CAST: variants seen among roughly 807,000 people sequenced by gnomAD.
CAST encodes MIR583 host.
A neutral mutation model predicts 119.6 loss-of-function variants in CAST; 76 were observed. The observed-to-expected ratio is 0.64, with a 90% CI of 0.53 to 0.77. The LOEUF (loss-of-function observed/expected upper bound fraction) is 0.77. Among genes scored for constraint, CAST ranks in the 30% least tolerant of loss-of-function variants. The pLI is 0.00. For synonymous variants in CAST, 319 were observed against 331.6 expected (o/e 0.96, Z 0.41); for missense variants, 953 against 946.5 (o/e 1.01, Z -0.09).
At chr5:96,497,015 C>G in the CAST span, among the ~76,000 whole-genome samples, 7 of 114,110 alleles carry the variant, frequency 6.1e-5, no homozygotes, top group Admixed American at 5.2e-4. Flanking sequence ...CCCCCCTCCC[C>G]CCACCCCACA....
the CAST span, among the ~76,000 whole-genome samples, chr5:96,308,244 C>T: frequency 2.6e-5 from 4 of 151,730 alleles, no homozygotes; most frequent in South Asian, 2.1e-4. Context: ...TTGGTCAATT[C>T]GGCTATTGAT....
chr5:96,045,339 G>GTGAA, the CAST span, among the ~76,000 whole-genome samples: 2 of 149,804 alleles, frequency 1.3e-5, no homozygotes, highest in Admixed American at 1.3e-4. Context: ...GGTGACAAGA[G>GTGAA]TGAAACTCTG....
the CAST span, among the ~76,000 whole-genome samples, chr5:96,444,696 A>T: frequency 6.6e-6 from 1 of 151,798 alleles, no homozygotes; most frequent in African/African-American, 2.4e-5. Flanking sequence ...ATATCTTCTC[A>T]TGTCTGAGAA....
In CAST at chr5:96,774,590, G is replaced by A; in HGVS notation, c.*1974G>A. ...GCTTTTCCAAAAGCAAACAAAGATAGGTTCCTCAGGTGACCAAAACTGAAA... is the reference window on the plus strand; with the variant it reads ...GCTTTTCCAAAAGCAAACAAAGATAAGTTCCTCAGGTGACCAAAACTGAAA... On this transcript the variant is annotated 3_prime_UTR_variant, in exon 32 of 32. Transcript: ENST00000675179. 5 of 985,468 alleles carry A rather than the reference G, an allele frequency of 5.1e-6. No homozygotes were observed. The South Asian group carries it at 1.4e-4, about 28-fold the overall frequency. 61.0% of individuals were successfully genotyped at this position (985,468 alleles called of 1,614,324 possible).
At chr5:96,536,913 C>T (rs1745826544) in intron 1 of CAST, among the ~76,000 whole-genome samples, 2 of 152,150 alleles carry the variant, frequency 1.3e-5, no homozygotes, top group South Asian at 4.1e-4. Flanking sequence ...ATGGGAACTT[C>T]TGATCTCATT....
At chr5:96,219,799 A>C in the CAST span, among the ~76,000 whole-genome samples, 1 of 151,884 alleles carries the variant, frequency 6.6e-6, no homozygotes, top group Middle Eastern at 3.2e-3. Flanking sequence ...GAAGGAGAGA[A>C]AGAAAAGAAA....
chr5:96,294,750 A>C, the CAST span, among the ~76,000 whole-genome samples: 1 of 152,356 alleles, frequency 6.6e-6, no homozygotes, highest in South Asian at 2.1e-4. Flanking sequence ...TCTAGCCGCC[A>C]GGCTTTGGAA....
At chr5:96,446,338 G>C in the CAST span, among the ~76,000 whole-genome samples, 5 of 152,078 alleles carry the variant, frequency 3.3e-5, no homozygotes, top group Non-Finnish European at 7.3e-5. Flanking sequence ...ATTGCAAACC[G>C]CTCTACCATT....
the CAST span, among the ~76,000 whole-genome samples, chr5:96,434,608 T>TG: frequency 1.1e-5 from 1 of 88,956 alleles, no homozygotes; most frequent in Non-Finnish European, 2.4e-5. Context: ...GGGAAGTTTG[T>TG]TTTTTTTTTT....
intron 1 of CAST, among the ~76,000 whole-genome samples, chr5:96,674,722 G>A (rs1750492878): frequency 6.6e-6 from 1 of 152,176 alleles, no homozygotes; most frequent in African/African-American, 2.4e-5. Context: ...ACAGTTATGA[G>A]GAATAAGATC....
chr5:96,068,034 G>T, the CAST span, among the ~76,000 whole-genome samples: 1,989 of 152,276 alleles, frequency 0.013, 53 homozygotes, highest in African/African-American at 0.044. Context: ...GCATCTCTGG[G>T]AATAAAGGTG....
intron 1 of CAST, among the ~76,000 whole-genome samples, chr5:96,603,759 CTTTTTTTTTTTT>C (rs70981832): frequency 1.3e-5 from 1 of 79,498 alleles, no homozygotes; most frequent in Admixed American, 1.8e-4. Flanking sequence ...GTGCTGTACT[CTTTTTTTTTTTT>C]TTTTTTTTTT....
chr5:96,158,634 T>C, the CAST span, among the ~76,000 whole-genome samples: 3 of 152,254 alleles, frequency 2.0e-5, no homozygotes, highest in Non-Finnish European at 4.4e-5. Context: ...GGATATTGTA[T>C]GATAACATTG....
chr5:96,222,520 T>C, the CAST span, among the ~76,000 whole-genome samples: 1 of 151,976 alleles, frequency 6.6e-6, no homozygotes, highest in Admixed American at 6.6e-5. Context: ...ATGCTCAACA[T>C]CCCTAAGCAT....
At chr5:96,355,958 C>A in the CAST span, among the ~76,000 whole-genome samples, 1 of 152,114 alleles carries the variant, frequency 6.6e-6, no homozygotes, top group Admixed American at 6.6e-5. Context: ...GCTTGGCCTG[C>A]CAAAGTGCTG....
chr5:96,237,362 G>C, the CAST span, among the ~76,000 whole-genome samples: 1 of 152,130 alleles, frequency 6.6e-6, no homozygotes, highest in Non-Finnish European at 1.5e-5. Flanking sequence ...TCAAATGTGA[G>C]TTTAGCCTTT....
intron 1 of CAST, among the ~76,000 whole-genome samples, chr5:96,569,064 C>T (rs1746527282): frequency 6.6e-6 from 1 of 152,196 alleles, no homozygotes; most frequent in Admixed American, 6.5e-5. Flanking sequence ...TCAGCTGTTG[C>T]TGTGACACAT....
At chr5:96,402,886 C>T in the CAST span, among the ~76,000 whole-genome samples, 3 of 152,158 alleles carry the variant, frequency 2.0e-5, no homozygotes, top group East Asian at 5.8e-4. Flanking sequence ...ATGCTTGCCT[C>T]ATGATCACCT....
the CAST span, among the ~76,000 whole-genome samples, chr5:96,295,817 A>G: frequency 1.3e-5 from 2 of 152,218 alleles, no homozygotes; most frequent in African/African-American, 4.8e-5. Context: ...TGGAAAAAAT[A>G]CACGAAATGG....
Sources: allele counts gnomAD v4.1 joint callset (sites outside exome capture counted in the v4.1 genomes callset), GRCh38; gene constraint gnomAD v4.1.1; transcripts MANE v1.5; gene names NCBI Gene and HGNC (gene_info 2026-07-23, HGNC 2026-07-21).